The following LOXL2 variants were observed in gnomAD, a reference collection of about 807,000 sequenced individuals.
The protein encoded by LOXL2 is lysyl oxidase homolog 2.
In LOXL2, 70 loss-of-function variants were observed where a neutral mutation model predicts 93.0. The observed-to-expected ratio is 0.75, with a 90% CI of 0.62 to 0.92. LOXL2 has a LOEUF of 0.92. LOXL2 is among the 40% of genes least tolerant of loss of function. LOXL2 has a pLI of 0.00. For synonymous variants in LOXL2, 438 were observed against 413.2 expected (o/e 1.06, Z -0.73); for missense variants, 973 against 1,054.9 (o/e 0.92, Z 1.08).
At chr8:23,387,943 C>T (rs748384267) in intron 1 of LOXL2, among the ~76,000 whole-genome samples, 10 of 152,188 alleles carry the variant, frequency 6.6e-5, no homozygotes, top group Non-Finnish European at 7.3e-5. Flanking sequence ...GAGCGAGACT[C>T]TGTCTCAAAC....
intron 1 of LOXL2, among the ~76,000 whole-genome samples, chr8:23,376,108 G>A (rs548116045): frequency 3.5e-4 from 52 of 150,394 alleles, no homozygotes; most frequent in East Asian, 3.1e-3. Context: ...TTTAAGATAC[G>A]TCTAATCGAT....
At chr8:23,399,338 T>A (rs1800129927) in intron 1 of LOXL2, among the ~76,000 whole-genome samples, 1 of 152,208 alleles carries the variant, frequency 6.6e-6, no homozygotes, top group African/African-American at 2.4e-5. Context: ...TGAATAGGTG[T>A]CCCTCCAAAA....
intron 1 of LOXL2, among the ~76,000 whole-genome samples, chr8:23,385,617 C>G (rs1483430945): frequency 6.6e-6 from 1 of 152,060 alleles, no homozygotes; most frequent in Admixed American, 6.6e-5. Flanking sequence ...TAATCAGTAT[C>G]AATCTGATTT....
At chr8:23,397,692 G>C in intron 1 of LOXL2, among the ~76,000 whole-genome samples, 1 of 151,326 alleles carries the variant, frequency 6.6e-6, no homozygotes, top group South Asian at 2.1e-4. Context: ...GCAGGAGAAT[G>C]GCGTGAACTT....
intron 3 of LOXL2, among the ~76,000 whole-genome samples, chr8:23,353,725 A>G (rs1585366320): frequency 6.6e-6 from 1 of 152,362 alleles, no homozygotes; most frequent in Non-Finnish European, 1.5e-5. Flanking sequence ...AAGCACTTTT[A>G]GAGAAATCAT....
chr8:23,312,336 G>A lies in LOXL2; in HGVS notation c.1637-2425C>T, dbSNP rs959945957. Among the ~76,000 whole-genome samples, 5 of 142,336 alleles carry A rather than the reference G, an allele frequency of 3.5e-5. 1 individual carries two copies. Among genetic ancestry groups the A allele is most frequent in the African/African-American group, 1.4e-4 (5 of 36,656 alleles). The allele number at this position is 142,336 out of a possible 152,430, so 93.4% of individuals were successfully genotyped here. On this transcript the variant is annotated intron_variant, in intron 9 of 13. Coordinates refer to ENST00000389131, the MANE Select transcript of LOXL2 (RefSeq NM_002318.3). ...CATCCTGATACCAAAGCTGGGCAGA[G>A]ACACAACCAAAAAAGAGAATTTTAG...
intron 5 of LOXL2, among the ~76,000 whole-genome samples, chr8:23,330,069 T>C (rs542639384): frequency 3.2e-4 from 48 of 152,260 alleles, no homozygotes; most frequent in African/African-American, 1.1e-3. Context: ...CTCACGCCTG[T>C]AATCCCAGCA....
chr8:23,379,580 G>A (rs915405239), intron 1 of LOXL2, among the ~76,000 whole-genome samples: 5 of 152,200 alleles, frequency 3.3e-5, no homozygotes, highest in Admixed American at 3.3e-4. Flanking sequence ...GCGGTGGGCT[G>A]CACCCAGTTC....
intron 10 of LOXL2, among the ~76,000 whole-genome samples, chr8:23,305,442 C>A (rs554626955): frequency 6.6e-6 from 1 of 152,266 alleles, no homozygotes; most frequent in Admixed American, 6.5e-5. Flanking sequence ...TAGGCGTATG[C>A]GGTCATCCCT....
intron 1 of LOXL2, among the ~76,000 whole-genome samples, chr8:23,394,198 G>T (rs1350261240): frequency 6.6e-6 from 1 of 152,062 alleles, no homozygotes; most frequent in Non-Finnish European, 1.5e-5. Context: ...TTCAAGACCA[G>T]CCTGGCCAAC....
chr8:23,377,460 T>C (rs1223622966), intron 1 of LOXL2, among the ~76,000 whole-genome samples: 1 of 123,468 alleles, frequency 8.1e-6, no homozygotes, highest in East Asian at 2.5e-4. Context: ...TTAGGTCCGC[T>C]TGGTGCAGAG....
At chr8:23,354,013 C>T (rs1215823897) in intron 3 of LOXL2, among the ~76,000 whole-genome samples, 1 of 152,158 alleles carries the variant, frequency 6.6e-6, no homozygotes, top group Non-Finnish European at 1.5e-5. Flanking sequence ...CCCAAGGATG[C>T]TCCAAGCAGC....
At chr8:23,368,993 C>G (rs2117214700) in intron 1 of LOXL2, among the ~76,000 whole-genome samples, 1 of 152,288 alleles carries the variant, frequency 6.6e-6, no homozygotes, top group South Asian at 2.1e-4. Context: ...GCAAACCCAG[C>G]CCCCTTCAAC....
intron 5 of LOXL2, among the ~76,000 whole-genome samples, chr8:23,332,363 CCA>C (rs796597377): frequency 4.2e-5 from 5 of 118,906 alleles, no homozygotes; most frequent in East Asian, 2.9e-4. Flanking sequence ...TCATACACAC[CCA>C]CACACACCCC....
At chr8:23,324,883 C>T (rs1803551691) in intron 6 of LOXL2, among the ~76,000 whole-genome samples, 1 of 152,194 alleles carries the variant, frequency 6.6e-6, no homozygotes, top group Admixed American at 6.5e-5. Context: ...AAGCTAAGCT[C>T]TTGTTTAGAA....
At chr8:23,301,853 A>G (rs762593563) in intron 12 of LOXL2, among the ~76,000 whole-genome samples, 174 bp downstream of exon 12, 1 of 152,146 alleles carries the variant, frequency 6.6e-6, no homozygotes. Flanking sequence ...TCAGGCCCCC[A>G]TGCCTGATAT....
intron 9 of LOXL2, among the ~76,000 whole-genome samples, chr8:23,313,728 T>C (rs1342740298): frequency 1.3e-5 from 2 of 149,958 alleles, no homozygotes; most frequent in Non-Finnish European, 3.0e-5. Context: ...ATTCAGGACA[T>C]AGGCATGGGC....
intron 1 of LOXL2, among the ~76,000 whole-genome samples, chr8:23,392,464 G>A (rs1294987802): frequency 6.6e-6 from 1 of 152,150 alleles, no homozygotes; most frequent in African/African-American, 2.4e-5. Context: ...CTTTTACTGA[G>A]GGAGACAGAC....
chr8:23,354,848 G>A (rs575913643), intron 3 of LOXL2, among the ~76,000 whole-genome samples: 1 of 150,904 alleles, frequency 6.6e-6, no homozygotes, highest in East Asian at 1.9e-4. Flanking sequence ...CTAACTTAGG[G>A]TAGAGCTATC....
Sources: gnomAD v4.1 joint callset for allele counts (sites outside exome capture counted in the v4.1 genomes callset) on GRCh38, gnomAD v4.1.1 for gene constraint, MANE v1.5 for transcripts, NCBI Gene and HGNC (gene_info 2026-07-23, HGNC 2026-07-21) for gene names.